The following SLC12A9 variants were observed in gnomAD, a reference collection of about 807,000 sequenced individuals.
SLC12A9 encodes the protein solute carrier family 12 member 9, also known as CCC-interacting protein 1.
A neutral mutation model predicts 66.0 loss-of-function variants in SLC12A9; 55 were observed. The observed-to-expected ratio is 0.83, with a 90% CI of 0.67 to 1.04. The LOEUF (loss-of-function observed/expected upper bound fraction) is 1.04, where lower values mean the gene tolerates loss of function less well. Ranked by LOEUF, SLC12A9 falls within the 50% of genes least tolerant of loss-of-function variation. The probability of loss-of-function intolerance (pLI) is 0.00; values close to 1 mark genes in which losing one functional copy is unlikely to be tolerated. For synonymous variants in SLC12A9, 577 were observed against 569.0 expected (o/e 1.01, Z -0.20); for missense variants, 1,061 against 1,241.9 (o/e 0.85, Z 2.19).
At chr7:100,853,723 G>T (rs1814215800) in intron 1 of SLC12A9, among the ~76,000 whole-genome samples, 1 of 150,374 alleles carries the variant, frequency 6.7e-6, no homozygotes, top group Non-Finnish European at 1.5e-5. Flanking sequence ...CTTCACGCTT[G>T]GCTAATTTTT....
intron 1 of SLC12A9, chr7:100,853,562 C>CTT (rs11464288): frequency 0.05 from 7,201 of 143,386 alleles, 579 homozygotes; most frequent in African/African-American, 0.16. Flanking sequence ...GCGGTTGTCT[C>CTT]TTTTTTTTTT....
intron 1 of SLC12A9, among the ~76,000 whole-genome samples, chr7:100,839,936 C>G (rs868587258): frequency 6.8e-6 from 1 of 147,910 alleles, no homozygotes; most frequent in Admixed American, 6.8e-5. Flanking sequence ...CCCACCAGAG[C>G]GAGACTCCGT....
chr7:100,831,948 G>A (rs191588855), intron 1 of SLC12A9, among the ~76,000 whole-genome samples: 1 of 152,248 alleles, frequency 6.6e-6, no homozygotes, highest in East Asian at 1.9e-4. Context: ...AGTTTCAGCA[G>A]GACAACACTT....
chr7:100,827,126 G>A lies in SLC12A9; in HGVS notation n.228+79G>A, dbSNP rs547432389. ...CTGGGCGGGTGGACGCCGATACTCC[G>A]CGCGGGACTCCTCGTCGGGGCCCTC... On this transcript the variant is annotated intron_variant and non_coding_transcript_variant, in intron 1 of 1. Coordinates refer to the SLC12A9 transcript ENST00000461016. 5.4e-5 allele frequency: 73 copies of A among 1,350,050 alleles called. 1 individual carries two copies. The East Asian group carries it at 1.1e-3, about 20-fold the overall frequency. 83.6% of individuals were successfully genotyped at this position (1,350,050 alleles called of 1,614,324 possible).
intron 1 of SLC12A9, among the ~76,000 whole-genome samples, chr7:100,832,148 C>A (rs1813556181): frequency 6.6e-6 from 1 of 152,040 alleles, no homozygotes; most frequent in Non-Finnish European, 1.5e-5. Context: ...TGCAGTGAGC[C>A]GAGATCGCGC....
chr7:100,864,928 C>T (rs916497916), intron 13 of SLC12A9, among the ~76,000 whole-genome samples: 1 of 152,170 alleles, frequency 6.6e-6, no homozygotes. Flanking sequence ...TTAGGGTTTA[C>T]TGCAGTAAAC....
chr7:100,848,912 G>A (rs200386725), upstream of SLC12A9, among the ~76,000 whole-genome samples: 1 of 47,150 alleles, frequency 2.1e-5, no homozygotes, highest in South Asian at 6.1e-4. Context: ...AGAAAGAAAA[G>A]AAAGAAAGAA....
chr7:100,841,871 C>T (rs1220964576), intron 1 of SLC12A9, among the ~76,000 whole-genome samples: 1 of 152,122 alleles, frequency 6.6e-6, no homozygotes, highest in African/African-American at 2.4e-5. Flanking sequence ...ATAAAGTCCA[C>T]GGCCAAGGTC....
intron 1 of SLC12A9, among the ~76,000 whole-genome samples, chr7:100,845,470 C>T (rs1465839771): frequency 1.3e-5 from 2 of 152,076 alleles, no homozygotes; most frequent in Non-Finnish European, 2.9e-5. Flanking sequence ...CTGCCTCAGC[C>T]TCCCGAGTAG....
chr7:100,851,449 A>G (rs1169979291), upstream of SLC12A9, among the ~76,000 whole-genome samples: 3 of 147,904 alleles, frequency 2.0e-5, no homozygotes, highest in Non-Finnish European at 4.5e-5. Context: ...TTTGAGACAG[A>G]GTCTCGTTCT....
Position 100,862,779 on chromosome 7 carries a change from C to T in SLC12A9, c.1810C>T (p.Pro604Ser). The T allele has an allele frequency of 6.2e-7, 1 of 1,614,194 alleles. No homozygotes were observed. The highest frequency in any genetic ancestry group is 1.1e-5 in the South Asian group (1 of 91,080). Residue 604 changes from proline (P) to serine (S), a missense_variant, in exon 13 of 14, where the codon CCC becomes TCC. Coordinates refer to ENST00000354161, the MANE Select transcript of SLC12A9 (RefSeq NM_020246.4). Reference protein sequence around the residue: ...VKAFVDLTLSPSVRQGAQHLL... With the variant: ...VKAFVDLTLSSSVRQGAQHLL... ...GGCTTTTGTGGATCTAACCCTCTCA[C>T]CCTCCGTGCGCCAGGGGGCTCAGCA...
Position 100,859,556 on chromosome 7 carries a change from C to T in SLC12A9, c.978-329C>T, listed in dbSNP as rs940611380. On this transcript the variant is annotated intron_variant, in intron 7 of 13. Coordinates refer to ENST00000354161, the MANE Select transcript of SLC12A9 (RefSeq NM_020246.4). ...CAGAGCAAGAGCCTCCCCCCAAATA[C>T]AAAAATTAGCCAGGTGTGATGGCAA... 8 of 377,002 alleles carry T rather than the reference C, an allele frequency of 2.1e-5. 1 individual carries two copies. In the Admixed American group the frequency reaches 3.5e-4, roughly 16 times the overall value. 23.4% of individuals were successfully genotyped at this position (377,002 alleles called of 1,614,324 possible).
chr7:100,861,478 C>T lies in SLC12A9; in HGVS notation c.1430C>T (p.Ala477Val), dbSNP rs199820283. ...ATGATGTTCCTCATCAGTCCTGGCG[C>T]GGCTGGTGGCTCCCTGCTCCTCATG... ...LLMMFLISPG[A>V]AGGSLLLMGL... The change falls in exon 11 of 14, where the codon GCG becomes GTG. Residue 477 changes from alanine to valine, a missense_variant. Ala to Val is a moderately conservative substitution (Grantham distance 64, BLOSUM62 0). Coordinates refer to ENST00000354161, the MANE Select transcript of SLC12A9 (RefSeq NM_020246.4). The surrounding 1 kb of genome is among the most constrained non-coding windows in gnomAD (Gnocchi z 5.3). The T allele has an allele frequency of 4.4e-5, 71 of 1,613,786 alleles. No individual in the cohort carries two copies. The highest frequency in any genetic ancestry group is 3.5e-4 in the South Asian group (32 of 91,084).
Position 100,855,840 on chromosome 7 carries a change from C to G in SLC12A9, c.448+3C>G. The G allele has an allele frequency of 3.1e-6, 5 of 1,601,430 alleles. No individual in the cohort carries two copies. Among genetic ancestry groups the G allele is most frequent in the Non-Finnish European group, 4.3e-6 (5 of 1,173,444 alleles). ...TGTGCTTGATGTCTTCGGGGCCGGT[C>G]TGTGCTCTGTCCGATCTGGGCAGTG... On this transcript the variant is annotated splice_donor_region_variant and intron_variant, in intron 4 of 13. Transcript: ENST00000354161.
At chr7:100,840,953 A>G (rs891411919) in intron 1 of SLC12A9, among the ~76,000 whole-genome samples, 5 of 152,028 alleles carry the variant, frequency 3.3e-5, no homozygotes, top group Non-Finnish European at 5.9e-5. Context: ...GGATGGCCCA[A>G]ATGCATTCAG....
At chr7:100,853,646 A>G (rs796085783) in intron 1 of SLC12A9, among the ~76,000 whole-genome samples, 2 of 143,518 alleles carry the variant, frequency 1.4e-5, no homozygotes, top group South Asian at 2.2e-4. Flanking sequence ...CTGCAGCCCT[A>G]CGCCTCCAGG....
At chr7:100,847,627 G>C (rs1009765605) in intron 1 of SLC12A9, among the ~76,000 whole-genome samples, 1 of 152,140 alleles carries the variant, frequency 6.6e-6, no homozygotes, top group Non-Finnish European at 1.5e-5. Context: ...ACTTGAAAGT[G>C]GAGGCCAAAG....
At chr7:100,837,143 A>T (rs775925627) in intron 1 of SLC12A9, among the ~76,000 whole-genome samples, 1 of 152,082 alleles carries the variant, frequency 6.6e-6, no homozygotes, top group Non-Finnish European at 1.5e-5. Context: ...GGGGCTCGCT[A>T]TGTTGCCCAG....
intron 1 of SLC12A9, among the ~76,000 whole-genome samples, chr7:100,828,653 G>A (rs1245687993): frequency 1.3e-5 from 2 of 152,066 alleles, no homozygotes; most frequent in Non-Finnish European, 2.9e-5. Context: ...CGTGTTTTGG[G>A]GGGGCTTCCC....
Sources: gnomAD v4.1 joint callset for allele counts (sites outside exome capture counted in the v4.1 genomes callset) on GRCh38, gnomAD v4.1.1 for gene constraint, Gnocchi (gnomAD v3.1) non-coding constraint, MANE v1.5 for transcripts, NCBI Gene and HGNC (gene_info 2026-07-23, HGNC 2026-07-21) for gene names.